Variants in WASF1 observed in about 807,000 individuals in gnomAD.
WASF1 encodes the protein WASP family member 1.
WASF1 carries 7 observed loss-of-function variants against 50.5 expected under a neutral mutation model. That is an observed-to-expected ratio of 0.14 (90% CI 0.08 to 0.26). The LOEUF is 0.26. Ranked by LOEUF, WASF1 falls within the 10% of genes least tolerant of loss-of-function variation. WASF1 has a pLI of 1.00. For synonymous variants in WASF1, 205 were observed against 244.0 expected, an observed-to-expected ratio of 0.84 and a Z score of 1.49; for missense variants, 470 against 694.7, an observed-to-expected ratio of 0.68 and a Z score of 3.64.
chr6:110,172,145 A>G (rs1440252810), intron 2 of WASF1, among the ~76,000 whole-genome samples: 1 of 152,232 alleles, frequency 6.6e-6, no homozygotes, highest in Non-Finnish European at 1.5e-5. Context: ...AGGATCTAGA[A>G]CTAGAATTAC....
At chr6:110,132,793 T>C (rs2114529046) in intron 3 of WASF1, among the ~76,000 whole-genome samples, 1 of 151,890 alleles carries the variant, frequency 6.6e-6, no homozygotes. Flanking sequence ...AATGTTTGGT[T>C]TTTCATTCTG....
rs543041585 is a variant in WASF1 at position 110,121,929 on chromosome 6, C to T, written c.133+5540G>A. Among the ~76,000 whole-genome samples the T allele has an allele frequency of 1.6e-4, 24 of 151,674 alleles. 1 individual carries two copies. The South Asian group carries it at 5.0e-3, about 31-fold the overall frequency. ...AACCATCATTCTAAAAAAACTATCA[C>T]AAGGTTGGAAAACCAAACACCAGAT... On this transcript the variant is annotated intron_variant, in intron 4 of 10. Coordinates refer to ENST00000392589, the MANE Select transcript of WASF1 (RefSeq NM_003931.3).
At chr6:110,133,793 A>T (rs1774813682) in intron 3 of WASF1, among the ~76,000 whole-genome samples, 1 of 151,882 alleles carries the variant, frequency 6.6e-6, no homozygotes, top group African/African-American at 2.4e-5. Flanking sequence ...AGATGTACAG[A>T]GTGTGAAGAT....
rs189809702 is a variant in WASF1 at position 110,117,383 on chromosome 6, G to A, written c.134-3923C>T. ...GACGCATGCACAAGCTTCAATAGCT[G>A]ATTTGATCAAGTGGAAGAAAGAATA... On this transcript the variant is annotated intron_variant, in intron 4 of 10. Transcript: ENST00000392589. Among the ~76,000 whole-genome samples the A allele has an allele frequency of 1.5e-3, 229 of 152,242 alleles. 1 individual carries two copies. Among genetic ancestry groups the A allele is most frequent in the Non-Finnish European group, 2.4e-3 (162 of 68,026 alleles).
intron 2 of WASF1, among the ~76,000 whole-genome samples, chr6:110,161,147 C>T (rs1203600209): frequency 1.3e-5 from 2 of 151,470 alleles, no homozygotes; most frequent in Non-Finnish European, 3.0e-5. Flanking sequence ...GATAAAAAAG[C>T]GGTATTCTAA....
intron 3 of WASF1, among the ~76,000 whole-genome samples, chr6:110,158,239 T>C (rs1273011392): frequency 4.6e-5 from 2 of 43,096 alleles, no homozygotes; most frequent in Non-Finnish European, 8.7e-5. Flanking sequence ...TCAGAGCCTG[T>C]TATTGGTCTA....
At chr6:110,120,525 C>G (rs944505088) in intron 4 of WASF1, among the ~76,000 whole-genome samples, 23 of 151,786 alleles carry the variant, frequency 1.5e-4, no homozygotes, top group African/African-American at 3.6e-4. Context: ...CACTGCTCAA[C>G]GAAATAAAAG....
intron 2 of WASF1, among the ~76,000 whole-genome samples, chr6:110,170,241 G>A (rs1334847999): frequency 6.6e-6 from 1 of 152,070 alleles, no homozygotes; most frequent in African/African-American, 2.4e-5. Context: ...TGGAGGGGGT[G>A]AAACAGAGGT....
intron 2 of WASF1, among the ~76,000 whole-genome samples, chr6:110,176,297 C>T (rs1776925713): frequency 6.6e-6 from 1 of 151,842 alleles, no homozygotes; most frequent in African/African-American, 2.4e-5. Flanking sequence ...ACGTAAGTCA[C>T]AAAGAATCAA....
At chr6:110,112,382 T>C (rs891333394) in intron 5 of WASF1, among the ~76,000 whole-genome samples, 15 of 152,122 alleles carry the variant, frequency 9.9e-5, no homozygotes, top group African/African-American at 3.6e-4. Context: ...TTGGGAAACG[T>C]CGGCATTCAA....
At position 110,147,864 on chromosome 6, in the gene WASF1, C is replaced by T. The variant is rs118169798; in HGVS notation, c.-29+12771G>A. 1.3e-4 allele frequency among the ~76,000 whole-genome samples: 20 copies of T among 152,312 alleles called. No homozygotes were observed. In the East Asian group the frequency reaches 3.9e-3, roughly 29 times the overall value. ...CTGGCTAAAGCAGTCCTCCCACCCT[C>T]AGTTTCCCAAGTAGCTGGGACTACA... On this transcript the variant is annotated intron_variant, in intron 3 of 10. Transcript: ENST00000392589.
intron 4 of WASF1, among the ~76,000 whole-genome samples, chr6:110,117,360 C>T (rs1005023782): frequency 3.3e-5 from 5 of 151,920 alleles, no homozygotes; most frequent in South Asian, 2.1e-4. Context: ...AACTTTGTGA[C>T]GCATGCACAA....
intron 3 of WASF1, among the ~76,000 whole-genome samples, chr6:110,145,486 C>A (rs1775511850): frequency 6.6e-6 from 1 of 152,138 alleles, no homozygotes; most frequent in Admixed American, 6.5e-5. Flanking sequence ...GCCAGAACTT[C>A]CAACGCTATG....
intron 3 of WASF1, among the ~76,000 whole-genome samples, chr6:110,135,780 A>T (rs1249881892): frequency 1.8e-5 from 1 of 55,610 alleles, no homozygotes; most frequent in African/African-American, 7.3e-5. Context: ...GTTTGTCATT[A>T]CTTTTTGGCC....
At chr6:110,104,498 A>G (rs1466036972) in intron 8 of WASF1, among the ~76,000 whole-genome samples, 2 of 152,224 alleles carry the variant, frequency 1.3e-5, no homozygotes, top group Non-Finnish European at 2.9e-5. Context: ...TTAAAAAATC[A>G]TATGACTAGG....
chr6:110,103,632 T>A lies in WASF1; in HGVS notation c.714-75A>T, dbSNP rs1026814498. On this transcript the variant is annotated intron_variant, in intron 8 of 10. Transcript: ENST00000392589. ...AAAGGGTTCTACATGAGATATTAAA[T>A]ATTTAAAGTTTATCCTTTCAATGCC... The A allele has an allele frequency of 5.3e-6, 7 of 1,311,882 alleles. No individual in the cohort carries two copies. The African/African-American group carries it at 1.0e-4, about 20-fold the overall frequency. 81.3% of individuals were successfully genotyped at this position (1,311,882 alleles called of 1,614,324 possible). A position where few individuals can be genotyped will look rare whatever the true frequency, so the allele number is the denominator to read the frequency against.
rs907244350 is a variant in WASF1 at position 110,179,318 on chromosome 6, C to A, written c.-272+121G>T. ...GGGGCCGGGGCGGGGAAGGCGCGCC[C>A]ATCCATCCCCGTCACCTTTGCGGGC... On this transcript the variant is annotated intron_variant, in intron 1 of 10. Transcript: ENST00000392589. The A allele has an allele frequency of 2.6e-5, 4 of 152,434 alleles. No homozygotes were observed. The East Asian group carries it at 5.8e-4, about 22-fold the overall frequency. 9.4% of individuals were successfully genotyped at this position (152,434 alleles called of 1,614,324 possible).
intron 3 of WASF1, among the ~76,000 whole-genome samples, chr6:110,152,459 G>A (rs1291707450): frequency 6.6e-6 from 1 of 152,062 alleles, no homozygotes; most frequent in Admixed American, 6.6e-5. Context: ...CTTTGATTTT[G>A]TCTTAGTCCA....
chr6:110,118,039 G>A (rs1562167037), intron 4 of WASF1, among the ~76,000 whole-genome samples: 1 of 151,992 alleles, frequency 6.6e-6, no homozygotes, highest in Non-Finnish European at 1.5e-5. Context: ...GCAACAACCG[G>A]TACCAGCCAC....
Sources: allele counts gnomAD v4.1 joint callset (sites outside exome capture counted in the v4.1 genomes callset), GRCh38; gene constraint gnomAD v4.1.1; transcripts MANE v1.5; gene names NCBI Gene and HGNC (gene_info 2026-07-23, HGNC 2026-07-21).